The following DIAPH2 variants were observed in gnomAD, a reference collection of about 807,000 sequenced individuals.
DIAPH2 encodes diaphanous related formin 2.
DIAPH2 carries 35 observed loss-of-function variants against 92.7 expected under a neutral mutation model. That is an observed-to-expected ratio of 0.38 (90% CI 0.29 to 0.50). The LOEUF (loss-of-function observed/expected upper bound fraction) is 0.50, where lower values mean the gene tolerates loss of function less well. Ranked by LOEUF, DIAPH2 falls within the 20% of genes least tolerant of loss-of-function variation. The pLI is 0.94. For synonymous variants in DIAPH2, 301 were observed against 280.4 expected (o/e 1.07, Z -0.73); for missense variants, 701 against 819.5 (o/e 0.86, Z 1.77).
chrX:96,996,395 G>T (rs1026239381), intron 17 of DIAPH2, among the ~76,000 whole-genome samples: 1 of 111,757 alleles, frequency 8.9e-6, no homozygotes, highest in African/African-American at 3.2e-5. Context: ...TAAAATGTCA[G>T]AATTGCCATG....
intron 26 of DIAPH2, among the ~76,000 whole-genome samples, chrX:97,505,557 C>T (rs1381202629): frequency 2.7e-5 from 3 of 110,886 alleles, no homozygotes; most frequent in African/African-American, 9.8e-5. Flanking sequence ...ATTTGGATGT[C>T]ATGTAAAGAA....
rs61350837 is a variant in DIAPH2, at chrX:97,095,098, C to CTTTTTTTTTTT, written c.2248-4570_2248-4560dup. On this transcript the variant is annotated intron_variant, in intron 19 of 26. Transcript: ENST00000324765. The stretch of plus-strand genomic sequence containing the variant: ...GACTTTTAGGGAAATGTTTCTTTTT[C>CTTTTTTTTTTT]TTTTTTTTTTTTTTTTTTTTTTTTT... 1.5e-3 allele frequency among the ~76,000 whole-genome samples: 33 copies of CTTTTTTTTTTT among 22,409 alleles called. 12 individuals are homozygous for CTTTTTTTTTTT. The highest frequency in any genetic ancestry group is 2.6e-3 in the Non-Finnish European group (29 of 11,109). The allele number at this position is 22,409 out of a possible 115,157, so 19.5% of individuals were successfully genotyped here.
intron 4 of DIAPH2, among the ~76,000 whole-genome samples, chrX:96,853,137 C>G (rs952210632): frequency 5.4e-5 from 6 of 111,585 alleles, no homozygotes; most frequent in African/African-American, 2.0e-4. Flanking sequence ...AAGATAATCA[C>G]TTTGTTTAAA....
intron 4 of DIAPH2, among the ~76,000 whole-genome samples, chrX:96,761,914 A>G (rs1447023364): frequency 9.0e-6 from 1 of 111,630 alleles, no homozygotes; most frequent in Non-Finnish European, 1.9e-5. Flanking sequence ...AGTCTACTGA[A>G]TGAATATTTA....
At chrX:96,689,435 G>A (rs760487311) in intron 1 of DIAPH2, among the ~76,000 whole-genome samples, 1 of 108,767 alleles carries the variant, frequency 9.2e-6, no homozygotes, top group South Asian at 4.1e-4. Context: ...TTTAGAAGGA[G>A]CAGAGTAGCA....
chrX:96,738,502 T>G, intron 2 of DIAPH2, 84 bp from the exon 3 acceptor site: 1 of 755,899 alleles, frequency 1.3e-6, no homozygotes, highest in African/African-American at 2.1e-5. Flanking sequence ...TTATACTAAG[T>G]GCCGTTTTGA....
At chrX:96,994,294 G>A (rs1194763079) in intron 17 of DIAPH2, among the ~76,000 whole-genome samples, 1 of 111,853 alleles carries the variant, frequency 8.9e-6, no homozygotes, top group East Asian at 2.8e-4. Context: ...AGAGACAAAG[G>A]GGAAGCAGAA....
intron 24 of DIAPH2, among the ~76,000 whole-genome samples, chrX:97,363,383 G>A (rs758604360): frequency 1.8e-5 from 2 of 110,417 alleles, no homozygotes; most frequent in South Asian, 3.9e-4. Context: ...TAGGCCAGGC[G>A]CAGTGGCTCA....
At position 97,509,012 on chromosome X, in the gene DIAPH2, G is replaced by GTTATTTATTTAT. The variant is rs56002860; in HGVS notation, c.3241+79301_3241+79312dup. 7.7e-3 allele frequency among the ~76,000 whole-genome samples: 697 copies of GTTATTTATTTAT among 90,409 alleles called. 5 individuals carry two copies. Among genetic ancestry groups the GTTATTTATTTAT allele is most frequent in the South Asian group, 0.011 (18 of 1,593 alleles). 78.5% of individuals were successfully genotyped at this position (90,409 alleles called of 115,157 possible). A position where few individuals can be genotyped will look rare whatever the true frequency, so the allele number is the denominator to read the frequency against. Reference sequence around the variant, plus strand: ...GACTACCAAGAGAAAAGCATACAAAGTTATTTATTTATTTATTTATTTATT... The same window carrying GTTATTTATTTAT: ...GACTACCAAGAGAAAAGCATACAAAGTTATTTATTTATTTATTTATTTATTTATTTATTTATT... On this transcript the variant is annotated intron_variant, in intron 26 of 26. Transcript: ENST00000324765.
intron 4 of DIAPH2, among the ~76,000 whole-genome samples, chrX:96,846,585 A>G (rs1203868279): frequency 8.9e-6 from 1 of 112,257 alleles, no homozygotes; most frequent in Non-Finnish European, 1.9e-5. Context: ...CCACTTTCTC[A>G]TTTCACACAT....
At chrX:97,371,742 T>C (rs756682684) in intron 24 of DIAPH2, among the ~76,000 whole-genome samples, 1 of 111,705 alleles carries the variant, frequency 9.0e-6, no homozygotes, top group African/African-American at 3.3e-5. Context: ...GCCTCTCCCA[T>C]CTTCTAAGAT....
At chrX:96,761,499 A>C (rs1376260054) in intron 4 of DIAPH2, among the ~76,000 whole-genome samples, 1 of 110,826 alleles carries the variant, frequency 9.0e-6, no homozygotes, top group Non-Finnish European at 1.9e-5. Flanking sequence ...TGCTTTTGTC[A>C]TTATCAGATA....
At chrX:97,110,283 C>T (rs773553805) in intron 20 of DIAPH2, among the ~76,000 whole-genome samples, 13 of 111,331 alleles carry the variant, frequency 1.2e-4, no homozygotes, top group Non-Finnish European at 2.4e-4. Flanking sequence ...CCCATAGCAT[C>T]TATTCAGATA....
chrX:97,577,511 G>A (rs1169904663), intron 26 of DIAPH2, among the ~76,000 whole-genome samples: 3 of 112,136 alleles, frequency 2.7e-5, no homozygotes, highest in Non-Finnish European at 5.6e-5. Context: ...TATTGGAGTC[G>A]AGAGGAGAGA....
intron 26 of DIAPH2, among the ~76,000 whole-genome samples, chrX:97,574,353 G>A (rs1480586415): frequency 1.8e-5 from 2 of 111,842 alleles, no homozygotes; most frequent in African/African-American, 6.5e-5. Context: ...TAATACACAT[G>A]AAGGTATTCA....
At chrX:96,753,532 A>G (rs927894222) in intron 3 of DIAPH2, among the ~76,000 whole-genome samples, 2 of 112,063 alleles carry the variant, frequency 1.8e-5, no homozygotes, top group African/African-American at 6.5e-5. Context: ...GTGGTCTTCA[A>G]ATAACATTTA....
At chrX:97,426,584 C>T (rs192982416) in intron 25 of DIAPH2, among the ~76,000 whole-genome samples, 2 of 110,915 alleles carry the variant, frequency 1.8e-5, no homozygotes, top group Non-Finnish European at 3.8e-5. Flanking sequence ...GCCACTGTGC[C>T]CGGCTAAAAT....
At position 97,603,855 on chromosome X, in the gene DIAPH2, T is replaced by C. The variant is rs761227989; in HGVS notation, c.*4538T>C. On this transcript the variant is annotated 3_prime_UTR_variant, in exon 27 of 27. Coordinates refer to ENST00000324765, the MANE Select transcript of DIAPH2 (RefSeq NM_006729.5). ...CATCTGGTAAAGGCAATCTAGTTTTTTCTATCACAGCCACCAAAATTCTTC... is the reference window on the plus strand; with the variant it reads ...CATCTGGTAAAGGCAATCTAGTTTTCTCTATCACAGCCACCAAAATTCTTC... 2.9e-4 allele frequency: 32 copies of C among 112,127 alleles called. No individual in the cohort carries two copies. The highest frequency in any genetic ancestry group is 5.4e-4 in the Non-Finnish European group (29 of 53,239). 9.2% of individuals were successfully genotyped at this position (112,127 alleles called of 1,213,427 possible). A position where few individuals can be genotyped will look rare whatever the true frequency, so the allele number is the denominator to read the frequency against.
intron 26 of DIAPH2, among the ~76,000 whole-genome samples, chrX:97,597,643 G>A (rs142835073): frequency 1.4e-3 from 155 of 111,897 alleles, no homozygotes; most frequent in African/African-American, 4.6e-3. Flanking sequence ...CTAGCAATGC[G>A]GTGGGAACCA....
Sources: gnomAD v4.1 joint callset for allele counts (sites outside exome capture counted in the v4.1 genomes callset) on GRCh38, gnomAD v4.1.1 for gene constraint, MANE v1.5 for transcripts, NCBI Gene and HGNC (gene_info 2026-07-23, HGNC 2026-07-21) for gene names.